The following TRPV2 variants were observed in gnomAD, a reference collection of about 807,000 sequenced individuals.
TRPV2 encodes transient receptor potential cation channel subfamily V member 2.
Under a neutral mutation model 91.0 loss-of-function variants are expected in TRPV2, and 58 were observed. The ratio of observed to expected loss-of-function variants is 0.64; its 90% CI spans 0.52 to 0.79. The LOEUF (loss-of-function observed/expected upper bound fraction) is 0.79. Ranked by LOEUF, TRPV2 falls within the 30% of genes least tolerant of loss-of-function variation. The pLI is 0.00. For missense variants in TRPV2, 807 were observed against 969.6 expected (o/e 0.83, Z 2.23); for synonymous variants, 417 against 414.8 (o/e 1.01, Z -0.06).
rs1568919123 is a variant in TRPV2 at position 16,431,289 on chromosome 17, A to T, written c.1588-495A>T. Among the ~76,000 whole-genome samples, 120 of 16,094 alleles carry T rather than the reference A, an allele frequency of 7.5e-3. 3 individuals carry two copies. The highest frequency in any genetic ancestry group is 0.022 in the African/African-American group (108 of 4,816). The allele number at this position is 16,094 out of a possible 152,430, so 10.6% of individuals were successfully genotyped here. On this transcript the variant is annotated intron_variant, in intron 10 of 14. Transcript: ENST00000338560. ...TATATATATATATATATATATATAC[A>T]TATTTTTTTTTTTTTTTTTTTTGAG... is the stretch of plus-strand genomic sequence containing the variant.
chr17:16,421,754 G>A (rs1230355263), intron 3 of TRPV2, among the ~76,000 whole-genome samples: 1 of 150,710 alleles, frequency 6.6e-6, no homozygotes, highest in South Asian at 2.1e-4. Context: ...ACTCGACCTC[G>A]TGATCTGCCC....
intron 3 of TRPV2, among the ~76,000 whole-genome samples, chr17:16,421,200 G>C (rs1307680071): frequency 6.6e-6 from 1 of 150,896 alleles, no homozygotes; most frequent in Admixed American, 6.6e-5. Context: ...TATCCACTTT[G>C]TTTATATTAT....
At chr17:16,429,943 C>A (rs2093402044) in intron 10 of TRPV2, among the ~76,000 whole-genome samples, 1 of 151,760 alleles carries the variant, frequency 6.6e-6, no homozygotes, top group South Asian at 2.1e-4. Flanking sequence ...CAGCTCACTG[C>A]AAACCCCTAC....
At chr17:16,432,654 C>T (rs1600990641) in intron 12 of TRPV2, among the ~76,000 whole-genome samples, 1 of 151,938 alleles carries the variant, frequency 6.6e-6, no homozygotes, top group East Asian at 1.9e-4. Flanking sequence ...GTTGCCCCGG[C>T]CTCAGGTGAT....
intron 10 of TRPV2, among the ~76,000 whole-genome samples, chr17:16,431,280 TATATATACA>T (rs2093409682): frequency 3.1e-5 from 2 of 63,764 alleles, no homozygotes; most frequent in African/African-American, 1.2e-4. Flanking sequence ...TATATATATA[TATATATACA>T]TATTTTTTTT....
At chr17:16,417,483 C>T (rs1467038740) in intron 1 of TRPV2, 79 bp from the exon 2 acceptor site, 2 of 570,504 alleles carry the variant, frequency 3.5e-6, no homozygotes, top group Admixed American at 3.1e-5. Context: ...ACCAGCCAGC[C>T]TCAGCCTCCC....
At position 16,422,536 on chromosome 17, in the gene TRPV2, G is replaced by A. The variant is rs1044051302; in HGVS notation, c.335-63G>A. On this transcript the variant is annotated intron_variant, in intron 3 of 14. Coordinates refer to ENST00000338560, the MANE Select transcript of TRPV2 (RefSeq NM_016113.5). ...TTGAGCTGGGCTTATAAGAGCTATC[G>A]GGCAGCCCAGCCACTCCAGGTCTCA... The A allele has an allele frequency of 1.5e-5, 23 of 1,541,474 alleles. 1 individual carries two copies. The highest frequency in any genetic ancestry group is 1.2e-4 in the Admixed American group (7 of 56,124).
chr17:16,420,260 C>G lies in TRPV2; in HGVS notation c.334+12C>G, dbSNP rs376264685. 6.4e-5 allele frequency: 102 copies of G among 1,603,474 alleles called. No homozygotes were observed. Among genetic ancestry groups the G allele is most frequent in the Non-Finnish European group, 8.4e-5 (98 of 1,171,990 alleles). On this transcript the variant is annotated intron_variant, in intron 3 of 14. Coordinates refer to ENST00000338560, the MANE Select transcript of TRPV2 (RefSeq NM_016113.5). ...CTCGGAATACACAGGTAGACCCTGC[C>G]CTGTGGATCCAAGGCTAGGCATCCT...
chr17:16,436,958 G>C lies in TRPV2; in HGVS notation c.*69G>C. 3 of 1,236,548 alleles carry C rather than the reference G, an allele frequency of 2.4e-6. No homozygotes were observed. The highest frequency in any genetic ancestry group is 3.5e-6 in the Non-Finnish European group (3 of 845,634). 76.6% of individuals were successfully genotyped at this position (1,236,548 alleles called of 1,614,324 possible). The stretch of plus-strand genomic sequence containing the variant: ...TTTCCAACCACATCTGCTGGCTCTG[G>C]GGTCCCAGTGAATTCTGGTGGCAAA... On this transcript the variant is annotated 3_prime_UTR_variant, in exon 15 of 15. Transcript: ENST00000338560.
chr17:16,416,969 TTAATG>T (rs1198814889), intron 1 of TRPV2, among the ~76,000 whole-genome samples: 7 of 152,174 alleles, frequency 4.6e-5, no homozygotes, highest in African/African-American at 1.4e-4. Context: ...GGTTGTGCTG[TTAATG>T]TAAATGGTAA....
intron 14 of TRPV2, among the ~76,000 whole-genome samples, chr17:16,436,242 T>A (rs902006908): frequency 6.6e-6 from 1 of 152,130 alleles, no homozygotes; most frequent in Non-Finnish European, 1.5e-5. Flanking sequence ...CCTGCTAATG[T>A]GGACAAAAAC....
chr17:16,423,013 T>A, intron 4 of TRPV2, 124 bp downstream of exon 4: 1 of 1,191,648 alleles, frequency 8.4e-7, no homozygotes, highest in Non-Finnish European at 1.1e-6. Context: ...GATGCCCTGC[T>A]TCTAACCACT....
chr17:16,423,772 G>A lies in TRPV2; in HGVS notation c.924+5G>A, dbSNP rs200596807. On this transcript the variant is annotated splice_donor_5th_base_variant and intron_variant, in intron 5 of 14. Transcript: ENST00000338560. Reference sequence around the variant, plus strand: ...GCCAAGGAGGGCAAGATCGAGGTGAGCGGCTGTCCCCTTCCCACTTCCCCT... The same window carrying A: ...GCCAAGGAGGGCAAGATCGAGGTGAACGGCTGTCCCCTTCCCACTTCCCCT... 1.6e-5 allele frequency: 25 copies of A among 1,555,000 alleles called. No homozygotes were observed. The East Asian group carries it at 3.4e-4, about 21-fold the overall frequency.
At chr17:16,419,040 A>C (rs1391924665) in intron 2 of TRPV2, among the ~76,000 whole-genome samples, 3 of 152,138 alleles carry the variant, frequency 2.0e-5, no homozygotes, top group Non-Finnish European at 4.4e-5. Flanking sequence ...AAAAAAAAAA[A>C]AAAAGTGACG....
chr17:16,429,527 G>A (rs186226196), intron 10 of TRPV2, among the ~76,000 whole-genome samples: 5 of 152,342 alleles, frequency 3.3e-5, no homozygotes, highest in African/African-American at 9.6e-5. Flanking sequence ...ATGTGATGCA[G>A]AATGGCTGGG....
chr17:16,431,304 T>A lies in TRPV2; in HGVS notation c.1588-480T>A, dbSNP rs1405483857. 2.2e-4 allele frequency among the ~76,000 whole-genome samples: 27 copies of A among 120,800 alleles called. 1 individual carries two copies. Among genetic ancestry groups the A allele is most frequent in the Middle Eastern group, 4.3e-3 (1 of 232 alleles). 79.2% of individuals were successfully genotyped at this position (120,800 alleles called of 152,430 possible). A position where few individuals can be genotyped will look rare whatever the true frequency, so the allele number is the denominator to read the frequency against. The stretch of plus-strand genomic sequence containing the variant: ...ATATATATACATATTTTTTTTTTTT[T>A]TTTTTTTGAGACGAAGTCTCACTCT... On this transcript the variant is annotated intron_variant, in intron 10 of 14. Coordinates refer to ENST00000338560, the MANE Select transcript of TRPV2 (RefSeq NM_016113.5).
chr17:16,425,189 T>C (rs893933110), intron 5 of TRPV2, among the ~76,000 whole-genome samples: 1 of 151,880 alleles, frequency 6.6e-6, no homozygotes, highest in Non-Finnish European at 1.5e-5. Context: ...CACGCCCGGC[T>C]AATTTTGTAT....
rs369283486 is a variant in TRPV2 at position 16,436,777 on chromosome 17, A to G, written c.2195-12A>G. The G allele has an allele frequency of 6.9e-6, 11 of 1,602,872 alleles. No individual in the cohort carries two copies. The highest frequency in any genetic ancestry group is 2.7e-5 in the African/African-American group (2 of 74,666). ...CAAGGGTTAAGCTACAGTGCTTGCC[A>G]TCTGTTTACAGGAACTCTCGAGAAC... On this transcript the variant is annotated splice_polypyrimidine_tract_variant and intron_variant, in intron 14 of 14. Coordinates refer to ENST00000338560, the MANE Select transcript of TRPV2 (RefSeq NM_016113.5).
At chr17:16,431,291 A>ATATATATATTT (rs1333090555) in intron 10 of TRPV2, among the ~76,000 whole-genome samples, 1 of 67,394 alleles carries the variant, frequency 1.5e-5, no homozygotes, top group South Asian at 5.5e-4. Flanking sequence ...ATATATACAT[A>ATATATATATTT]TTTTTTTTTT....
Sources: allele counts gnomAD v4.1 joint callset (sites outside exome capture counted in the v4.1 genomes callset), GRCh38; gene constraint gnomAD v4.1.1; transcripts MANE v1.5; gene names NCBI Gene and HGNC (gene_info 2026-07-23, HGNC 2026-07-21).